PTPRD: variants seen among roughly 807,000 people sequenced by gnomAD.
PTPRD encodes receptor-type tyrosine-protein phosphatase delta.
Under a neutral mutation model 214.5 loss-of-function variants are expected in PTPRD, and 34 were observed. The observed-to-expected ratio is 0.16, with a 90% CI of 0.12 to 0.21. The LOEUF (loss-of-function observed/expected upper bound fraction) is 0.21. PTPRD is among the 10% of genes least tolerant of loss of function. The pLI is 1.00. For synonymous variants in PTPRD, 1,128 were observed against 845.7 expected (o/e 1.33, Z -5.79); for missense variants, 2,545 against 2,398.7 (o/e 1.06, Z -1.27).
At chr9:9,394,382 T>C (rs754966621) in intron 9 of PTPRD, among the ~76,000 whole-genome samples, 1 of 152,168 alleles carries the variant, frequency 6.6e-6, no homozygotes, top group Non-Finnish European at 1.5e-5. Flanking sequence ...TTGCCTAGTA[T>C]ATAAAAGCTC....
chr9:10,031,345 G>A (rs572215749), intron 4 of PTPRD, among the ~76,000 whole-genome samples: 1 of 151,918 alleles, frequency 6.6e-6, no homozygotes, highest in Non-Finnish European at 1.5e-5. Flanking sequence ...ATTAACATTT[G>A]AGTCAGTGGG....
rs368683315 is a variant in PTPRD, at chr9:10,172,543, A to G, written c.-544-138753T>C. Among the ~76,000 whole-genome samples, 22 of 152,328 alleles carry G rather than the reference A, an allele frequency of 1.4e-4. 1 individual carries two copies. In the Middle Eastern group the frequency reaches 0.01, roughly 71 times the overall value. On this transcript the variant is annotated intron_variant, in intron 3 of 45. Coordinates refer to ENST00000381196, the MANE Select transcript of PTPRD (RefSeq NM_002839.4). ...CATAATTCTCCATGTGAGCCACTAC[A>G]TCATGCCTTGTTGGGACCTGCCATT...
chr9:9,896,936 T>G (rs2075135598), intron 5 of PTPRD, among the ~76,000 whole-genome samples: 1 of 152,066 alleles, frequency 6.6e-6, no homozygotes, highest in South Asian at 2.1e-4. Context: ...GATTTATATT[T>G]GCAATCTCAA....
chr9:8,867,097 A>T (rs971704662), intron 11 of PTPRD, among the ~76,000 whole-genome samples: 4 of 152,186 alleles, frequency 2.6e-5, no homozygotes, highest in Admixed American at 6.6e-5. Context: ...GAACAAAAAA[A>T]TTCCAAAGAT....
At chr9:8,790,737 A>G (rs2096196166) in intron 11 of PTPRD, among the ~76,000 whole-genome samples, 1 of 151,474 alleles carries the variant, frequency 6.6e-6, no homozygotes. Flanking sequence ...GATACATACA[A>G]TTTGTATATT....
At chr9:9,985,453 C>T (rs2095676594) in intron 4 of PTPRD, among the ~76,000 whole-genome samples, 1 of 152,052 alleles carries the variant, frequency 6.6e-6, no homozygotes, top group African/African-American at 2.4e-5. Flanking sequence ...TTACAACATG[C>T]TGGGGCCATG....
chr9:9,485,822 C>A (rs965652208), intron 8 of PTPRD, among the ~76,000 whole-genome samples: 4 of 152,204 alleles, frequency 2.6e-5, no homozygotes, highest in African/African-American at 7.2e-5. Context: ...TCCACTAGAC[C>A]CTTCCCATCA....
intron 4 of PTPRD, among the ~76,000 whole-genome samples, chr9:10,016,153 T>G (rs546048616): frequency 1.1e-4 from 16 of 152,296 alleles, no homozygotes; most frequent in African/African-American, 3.9e-4. Flanking sequence ...TGTATACAAT[T>G]TTGGGAGGTT....
Position 8,806,432 on chromosome 9 carries a change from C to T in PTPRD, c.-103-72486G>A, listed in dbSNP as rs968922912. ...ACAACCAATATTCATATGTAATGAA[C>T]AGATTCAAACCTATCTCTTATCAGC... is the stretch of plus-strand genomic sequence containing the variant. On this transcript the variant is annotated intron_variant, in intron 11 of 45. Transcript: ENST00000381196. Among the ~76,000 whole-genome samples, 4 of 152,014 alleles carry T rather than the reference C, an allele frequency of 2.6e-5. No homozygotes were observed. The East Asian group carries it at 7.7e-4, about 29-fold the overall frequency.
Position 8,518,171 on chromosome 9 carries a change from G to C in PTPRD, c.1220C>G (p.Pro407Arg), listed in dbSNP as rs756386510. ...NNIGRGPPSE[P>R]VLTQTSEQAP... ...TTGCTCTGAGGTTTGTGTTAGCACA[G>C]GTTCGCTGGGAGGCCCCCGCCCAAT... The change falls in exon 21 of 46, where the codon CCT (proline) becomes CGT (arginine). Residue 407 changes from proline (P) to arginine (R), a missense_variant. Pro to Arg is a moderately radical substitution (Grantham distance 103). Transcript: ENST00000381196. 3.1e-6 allele frequency: 5 copies of C among 1,614,174 alleles called. No individual in the cohort carries two copies. Among genetic ancestry groups the C allele is most frequent in the Admixed American group, 1.7e-5 (1 of 60,020 alleles).
chr9:8,882,884 C>CAAAAAAAAAAAAAAAAAAAAAAA (rs759863465), intron 11 of PTPRD, among the ~76,000 whole-genome samples: 1 of 101,040 alleles, frequency 9.9e-6, no homozygotes, highest in Admixed American at 1.1e-4. Flanking sequence ...GGCTCTGTCT[C>CAAAAAAAAAAAAAAAAAAAAAAA]AAAAAAAAAA....
At chr9:8,554,847 G>A (rs759310488) in intron 14 of PTPRD, among the ~76,000 whole-genome samples, 4 of 152,006 alleles carry the variant, frequency 2.6e-5, no homozygotes, top group Admixed American at 2.6e-4. Context: ...GTTTTTATAC[G>A]CTTTCTATCA....
intron 8 of PTPRD, among the ~76,000 whole-genome samples, chr9:9,406,781 G>C (rs1326321546): frequency 6.6e-6 from 1 of 150,690 alleles, no homozygotes; most frequent in Non-Finnish European, 1.5e-5. Context: ...TTATAGTGGA[G>C]ATAAAGAATA....
chr9:8,485,277 A>T lies in PTPRD; in HGVS notation c.3103T>A (p.Leu1035Met), dbSNP rs372802313. The T allele has an allele frequency of 1.2e-6, 2 of 1,614,182 alleles. No individual in the cohort carries two copies. Among genetic ancestry groups the T allele is most frequent in the African/African-American group, 1.3e-5 (1 of 75,078 alleles). ...HVKAVMKTSVLLSWEIPENYN... is the reference protein window; with the variant it reads ...HVKAVMKTSVMLSWEIPENYN... ...TTCTCTGGAATCTCCCAAGACAGCA[A>T]CACGGAAGTCTTCATTACTGCTTTG... Residue 1035 changes from leucine (L) to methionine (M), a missense_variant, in exon 29 of 46, where the codon TTG becomes ATG. Physicochemically the swap from Leu to Met is conservative, Grantham distance 15. Coordinates refer to ENST00000381196, the MANE Select transcript of PTPRD (RefSeq NM_002839.4).
intron 3 of PTPRD, among the ~76,000 whole-genome samples, chr9:10,043,607 A>G (rs888331538): frequency 6.6e-5 from 10 of 151,916 alleles, no homozygotes; most frequent in Non-Finnish European, 1.5e-4. Flanking sequence ...GATGTTTTAT[A>G]GTTTAGGTCC....
At chr9:8,746,881 T>C (rs540652418) in intron 11 of PTPRD, among the ~76,000 whole-genome samples, 1 of 152,242 alleles carries the variant, frequency 6.6e-6, no homozygotes, top group South Asian at 2.1e-4. Context: ...CATAGGCCTT[T>C]TGAAACCCAG....
chr9:9,758,184 C>CTTT lies in PTPRD; in HGVS notation c.-326+8623_-326+8625dup, dbSNP rs34736489. Among the ~76,000 whole-genome samples, 28 of 144,182 alleles carry CTTT rather than the reference C, an allele frequency of 1.9e-4. No individual in the cohort carries two copies. In the East Asian group the frequency reaches 2.9e-3, roughly 15 times the overall value. 94.6% of individuals were successfully genotyped at this position (144,182 alleles called of 152,430 possible). A position where few individuals can be genotyped will look rare whatever the true frequency, so the allele number is the denominator to read the frequency against. On this transcript the variant is annotated intron_variant, in intron 6 of 45. Coordinates refer to ENST00000381196, the MANE Select transcript of PTPRD (RefSeq NM_002839.4). Reference sequence around the variant, plus strand: ...AAAAATTGTATTCTCCCTTAGCAGACTTTTTTTTTTATTCCTGAATAAAAA... The same window carrying CTTT: ...AAAAATTGTATTCTCCCTTAGCAGACTTTTTTTTTTTTTATTCCTGAATAAAAA...
intron 3 of PTPRD, among the ~76,000 whole-genome samples, chr9:10,271,347 T>C (rs1481313472): frequency 6.7e-6 from 1 of 148,534 alleles, no homozygotes; most frequent in East Asian, 2.0e-4. Flanking sequence ...TCAAATCTAC[T>C]GCTTATTTTT....
chr9:9,481,814 C>T (rs752067289), intron 8 of PTPRD, among the ~76,000 whole-genome samples: 1 of 151,934 alleles, frequency 6.6e-6, no homozygotes, highest in South Asian at 2.1e-4. Context: ...GAGCTCTGCT[C>T]CATACCTGAA....
Sources: gnomAD v4.1 joint callset for allele counts (sites outside exome capture counted in the v4.1 genomes callset) on GRCh38, gnomAD v4.1.1 for gene constraint, MANE v1.5 for transcripts, NCBI Gene and HGNC (gene_info 2026-07-23, HGNC 2026-07-21) for gene names.